The following CNTNAP5 variants were observed in gnomAD, a reference collection of about 807,000 sequenced individuals.
The protein encoded by CNTNAP5 is contactin-associated protein-like 5.
CNTNAP5 carries 72 observed loss-of-function variants against 150.2 expected under a neutral mutation model. That is an observed-to-expected ratio of 0.48 (90% CI 0.40 to 0.58). CNTNAP5 has a LOEUF of 0.58. Ranked by LOEUF, CNTNAP5 falls within the 20% of genes least tolerant of loss-of-function variation. CNTNAP5 has a pLI of 0.00. For synonymous variants in CNTNAP5, 672 were observed against 619.8 expected (o/e 1.08, Z -1.25); for missense variants, 1,636 against 1,626.2 (o/e 1.01, Z -0.10).
intron 1 of CNTNAP5, among the ~76,000 whole-genome samples, chr2:124,030,784 G>GGGAAA (rs1293214527): frequency 1.3e-5 from 2 of 152,104 alleles, no homozygotes; most frequent in Non-Finnish European, 2.9e-5. Flanking sequence ...AAAGTTGATA[G>GGGAAA]GGAAAGGACA....
chr2:124,112,715 C>T (rs1022525407), intron 1 of CNTNAP5, among the ~76,000 whole-genome samples: 1 of 151,968 alleles, frequency 6.6e-6, no homozygotes, highest in African/African-American at 2.4e-5. Flanking sequence ...CACCTCCCTC[C>T]TCCCAAAAAA....
chr2:124,607,123 C>G (rs1022130263), intron 11 of CNTNAP5, among the ~76,000 whole-genome samples: 1 of 152,086 alleles, frequency 6.6e-6, no homozygotes, highest in Non-Finnish European at 1.5e-5. Flanking sequence ...AGTTGATTAG[C>G]TACCTATTGT....
At chr2:124,646,673 G>T (rs1288750688) in intron 12 of CNTNAP5, among the ~76,000 whole-genome samples, 1 of 152,222 alleles carries the variant, frequency 6.6e-6, no homozygotes, top group Non-Finnish European at 1.5e-5. Context: ...ACTACAGAGT[G>T]TCTGATACAT....
rs889912351 is a variant in CNTNAP5 at position 124,524,234 on chromosome 2, A to G, written c.1328-69A>G. The G allele has an allele frequency of 9.1e-6, 14 of 1,534,958 alleles. No individual in the cohort carries two copies. The Admixed American group carries it at 2.2e-4, about 24-fold the overall frequency. On this transcript the variant is annotated intron_variant, in intron 8 of 23. Coordinates refer to ENST00000682447, the MANE Select transcript of CNTNAP5 (RefSeq NM_001367498.1). ...TGGCATGGACGGCAGCAGGCTGGGA[A>G]ATGAGCCCCCTCTCTCTAAGTCTTC... is the stretch of plus-strand genomic sequence containing the variant.
rs1050555315 is a variant in CNTNAP5 at position 124,916,591 on chromosome 2, T to C, written c.*2303T>C. On this transcript the variant is annotated 3_prime_UTR_variant, in exon 24 of 24. Transcript: ENST00000682447. ...CAGTGAGGACTATGTTTTGCTGACA[T>C]AGTGCTAATAGAAGAAATGGAGACT... 2.0e-5 allele frequency among the ~76,000 whole-genome samples: 3 copies of C among 152,078 alleles called. No individual in the cohort carries two copies. The highest frequency in any genetic ancestry group is 7.2e-5 in the African/African-American group (3 of 41,442).
At chr2:124,905,046 A>G (rs1219549899) in intron 22 of CNTNAP5, among the ~76,000 whole-genome samples, 1 of 148,408 alleles carries the variant, frequency 6.7e-6, no homozygotes, top group African/African-American at 2.4e-5. Context: ...AGCAAAAAAA[A>G]AAAAAAAAAG....
intron 13 of CNTNAP5, among the ~76,000 whole-genome samples, chr2:124,746,514 C>T (rs1218589579): frequency 1.3e-5 from 2 of 151,676 alleles, no homozygotes; most frequent in African/African-American, 4.8e-5. Flanking sequence ...ATTTTTTTTC[C>T]CCCAAATCTT....
chr2:124,909,885 A>T (rs997741600), intron 22 of CNTNAP5, among the ~76,000 whole-genome samples: 3 of 139,294 alleles, frequency 2.2e-5, no homozygotes, highest in African/African-American at 8.1e-5. Flanking sequence ...GTATGCATGT[A>T]TGTAGGTCAT....
intron 4 of CNTNAP5, among the ~76,000 whole-genome samples, chr2:124,423,177 T>C (rs1573985229): frequency 6.6e-6 from 1 of 152,222 alleles, no homozygotes; most frequent in African/African-American, 2.4e-5. Flanking sequence ...AGTTTCCTTT[T>C]CTATGAAAAG....
intron 7 of CNTNAP5, among the ~76,000 whole-genome samples, chr2:124,482,861 G>A (rs1488237359): frequency 6.6e-6 from 1 of 152,186 alleles, no homozygotes; most frequent in African/African-American, 2.4e-5. Context: ...TTTGTTTCCA[G>A]TGACTCTTGT....
intron 14 of CNTNAP5, among the ~76,000 whole-genome samples, chr2:124,759,165 C>T (rs190971574): frequency 2.4e-4 from 36 of 151,784 alleles, no homozygotes; most frequent in African/African-American, 8.4e-4. Context: ...TTGGAGAAGA[C>T]AAACAGTTGG....
At position 124,504,301 on chromosome 2, in the gene CNTNAP5, A is replaced by T; in HGVS notation, c.1072A>T (p.Thr358Ser). 1 of 1,611,482 alleles carries T rather than the reference A, an allele frequency of 6.2e-7. No homozygotes were observed. Among genetic ancestry groups the T allele is most frequent in the Non-Finnish European group, 8.5e-7 (1 of 1,177,752 alleles). ...TTTTATTGTTTTCCAGGGCAATGTC[A>T]CTTTTTCCTGCTCCGAACCACAGAT... ...KHQIYTVGNV[T>S]FSCSEPQIVP... The change falls in exon 8 of 24, where the codon ACT becomes TCT. Residue 358 changes from threonine (T) to serine (S), a missense_variant. Transcript: ENST00000682447.
intron 1 of CNTNAP5, among the ~76,000 whole-genome samples, chr2:124,048,224 A>G (rs757626223): frequency 1.5e-4 from 23 of 152,082 alleles, no homozygotes; most frequent in Non-Finnish European, 2.6e-4. Flanking sequence ...GTCATGGGGG[A>G]ATGCTTTCCA....
At chr2:124,153,896 A>G (rs1345118579) in intron 1 of CNTNAP5, among the ~76,000 whole-genome samples, 1 of 151,898 alleles carries the variant, frequency 6.6e-6, no homozygotes, top group African/African-American at 2.4e-5. Flanking sequence ...TAGAGGTGTG[A>G]GCCACTAAGC....
intron 3 of CNTNAP5, among the ~76,000 whole-genome samples, chr2:124,342,065 C>A (rs1689632840): frequency 6.6e-6 from 1 of 152,130 alleles, no homozygotes; most frequent in Non-Finnish European, 1.5e-5. Flanking sequence ...ACACGATAAG[C>A]AGGGTTAGAA....
At position 124,373,579 on chromosome 2, in the gene CNTNAP5, C is replaced by T. The variant is rs548836217; in HGVS notation, c.382-43864C>T. On this transcript the variant is annotated intron_variant, in intron 3 of 23. Coordinates refer to ENST00000682447, the MANE Select transcript of CNTNAP5 (RefSeq NM_001367498.1). ...ACATGTAACAATAGAGAAATTCAAA[C>T]GGACAGCATATAATTATAAAAACAC... is the stretch of plus-strand genomic sequence containing the variant. Among the ~76,000 whole-genome samples, 10 of 151,896 alleles carry T rather than the reference C, an allele frequency of 6.6e-5. 1 individual carries two copies. Among genetic ancestry groups the T allele is most frequent in the Admixed American group, 3.3e-4 (5 of 15,234 alleles).
intron 3 of CNTNAP5, among the ~76,000 whole-genome samples, chr2:124,269,753 A>G (rs1431938363): frequency 6.6e-6 from 1 of 152,164 alleles, no homozygotes; most frequent in East Asian, 1.9e-4. Context: ...CTTATCCTAC[A>G]GCATGTGATG....
chr2:124,583,313 C>G (rs1027007674), intron 11 of CNTNAP5, among the ~76,000 whole-genome samples: 2 of 152,226 alleles, frequency 1.3e-5, no homozygotes, highest in African/African-American at 4.8e-5. Context: ...AATGCAATGG[C>G]TAACAATCCA....
chr2:124,123,112 C>A (rs531648072), intron 1 of CNTNAP5, among the ~76,000 whole-genome samples: 1 of 152,114 alleles, frequency 6.6e-6, no homozygotes, highest in African/African-American at 2.4e-5. Context: ...CATCACCTCA[C>A]CCAGGAAGTG....
Sources: allele counts gnomAD v4.1 joint callset (sites outside exome capture counted in the v4.1 genomes callset), GRCh38; gene constraint gnomAD v4.1.1; transcripts MANE v1.5; gene names NCBI Gene and HGNC (gene_info 2026-07-23, HGNC 2026-07-21).